STXBP5L: variants seen among roughly 807,000 people sequenced by gnomAD.
The protein encoded by STXBP5L is syntaxin-binding protein 5-like.
STXBP5L carries 65 observed loss-of-function variants against 144.5 expected under a neutral mutation model. The observed-to-expected ratio is 0.45, with a 90% CI of 0.37 to 0.55. The LOEUF (loss-of-function observed/expected upper bound fraction) is 0.55. Ranked by LOEUF, STXBP5L falls within the 20% of genes least tolerant of loss-of-function variation. The pLI is 0.00. For synonymous variants in STXBP5L, 505 were observed against 469.6 expected, an observed-to-expected ratio of 1.08 and a Z score of -0.97; for missense variants, 1,298 against 1,405.5, an observed-to-expected ratio of 0.92 and a Z score of 1.22.
intron 19 of STXBP5L, among the ~76,000 whole-genome samples, chr3:121,300,507 C>T (rs1460945909): frequency 6.6e-6 from 1 of 151,670 alleles, no homozygotes; most frequent in East Asian, 1.9e-4. Flanking sequence ...GAGAAGTATA[C>T]AGAATTATAC....
At chr3:121,262,330 T>C (rs1267014659) in intron 18 of STXBP5L, among the ~76,000 whole-genome samples, 1 of 152,198 alleles carries the variant, frequency 6.6e-6, no homozygotes, top group African/African-American at 2.4e-5. Context: ...GTTCAAAGTC[T>C]CATCAAAATA....
At position 121,407,288 on chromosome 3, in the gene STXBP5L, T is replaced by C. The variant is rs1479746491; in HGVS notation, c.2633T>C (p.Met878Thr). The C allele has an allele frequency of 1.2e-6, 2 of 1,607,702 alleles. No individual in the cohort carries two copies. Among genetic ancestry groups the C allele is most frequent in the African/African-American group, 1.3e-5 (1 of 74,648 alleles). ...LKGAVLTFSC[M>T]DRMGGLMQPP... ...GGAGCTGTGCTAACATTCTCCTGTA[T>C]GGACCGAATGGGTGGATTAATGCAA... The change falls in exon 23 of 27, where the codon ATG becomes ACG. Residue 878 changes from methionine (M) to threonine (T), a missense_variant. Coordinates refer to ENST00000471454, the MANE Select transcript of STXBP5L (RefSeq NM_001308330.2).
chr3:121,415,951 T>G lies in STXBP5L; in HGVS notation c.3209T>G (p.Phe1070Cys). ...KGLFGGSGQT[F>C]DREELFGEAS... ...CTGTTTGGTGGAAGCGGACAAACAT[T>G]TGACAGAGAAGAGCTCTGTGAGTAA... Residue 1070 changes from phenylalanine (F) to cysteine (C), a missense_variant, in exon 25 of 27, where the codon TTT becomes TGT. Physicochemically the swap from Phe to Cys is radical, Grantham distance 205. Transcript: ENST00000471454. 6.2e-7 allele frequency: 1 copy of G among 1,612,958 alleles called. No homozygotes were observed. Among genetic ancestry groups the G allele is most frequent in the Non-Finnish European group, 8.5e-7 (1 of 1,179,288 alleles).
At chr3:121,096,432 G>A (rs1230981615) in intron 5 of STXBP5L, among the ~76,000 whole-genome samples, 1 of 152,216 alleles carries the variant, frequency 6.6e-6, no homozygotes, top group African/African-American at 2.4e-5. Context: ...GTGGAGAAGA[G>A]GTGTTCTGGT....
intron 5 of STXBP5L, among the ~76,000 whole-genome samples, chr3:121,065,869 C>T (rs1207396131): frequency 6.6e-6 from 1 of 152,156 alleles, no homozygotes; most frequent in Non-Finnish European, 1.5e-5. Context: ...GCATTCATAT[C>T]CCTTGCATGT....
At chr3:121,077,696 G>A (rs748513971) in intron 5 of STXBP5L, among the ~76,000 whole-genome samples, 1 of 152,142 alleles carries the variant, frequency 6.6e-6, no homozygotes, top group Non-Finnish European at 1.5e-5. Context: ...TTTTGACCGG[G>A]TGCTGATTGG....
intron 11 of STXBP5L, among the ~76,000 whole-genome samples, chr3:121,229,890 C>T (rs1283533709): frequency 6.6e-6 from 1 of 151,986 alleles, no homozygotes; most frequent in Non-Finnish European, 1.5e-5. Context: ...AACGTGTTTC[C>T]CTATAACATA....
chr3:121,355,380 C>T (rs1457565753), intron 20 of STXBP5L, among the ~76,000 whole-genome samples: 3 of 152,084 alleles, frequency 2.0e-5, no homozygotes, highest in Non-Finnish European at 4.4e-5. Context: ...AGGCTTTGTT[C>T]ATTTCTTTTT....
chr3:120,957,803 G>T (rs532829484), intron 3 of STXBP5L, among the ~76,000 whole-genome samples: 47 of 152,166 alleles, frequency 3.1e-4, no homozygotes, highest in African/African-American at 1.1e-3. Flanking sequence ...ACAAGAGAAA[G>T]CAGGAAAGAT....
intron 5 of STXBP5L, among the ~76,000 whole-genome samples, chr3:121,085,998 A>C (rs185832824): frequency 6.6e-6 from 1 of 152,124 alleles, no homozygotes; most frequent in Non-Finnish European, 1.5e-5. Flanking sequence ...CAGAATAAAG[A>C]TCTCAGAAAT....
chr3:121,287,814 G>C (rs1206110621), intron 19 of STXBP5L, among the ~76,000 whole-genome samples: 2 of 151,194 alleles, frequency 1.3e-5, no homozygotes, highest in African/African-American at 4.9e-5. Context: ...GAGTGACAGA[G>C]CGAGACTCCA....
intron 3 of STXBP5L, among the ~76,000 whole-genome samples, chr3:121,031,444 GC>G: frequency 6.6e-6 from 1 of 151,784 alleles, no homozygotes; most frequent in East Asian, 1.9e-4. Context: ...TAAGAAATTG[GC>G]TCACACAACT....
chr3:121,006,635 C>G (rs982025641), intron 3 of STXBP5L, among the ~76,000 whole-genome samples: 1 of 152,160 alleles, frequency 6.6e-6, no homozygotes, highest in African/African-American at 2.4e-5. Context: ...GATACAGTTT[C>G]TTCCTAGTAT....
At chr3:121,218,204 TA>T (rs1158910978) in intron 10 of STXBP5L, among the ~76,000 whole-genome samples, 2 of 142,764 alleles carry the variant, frequency 1.4e-5, no homozygotes, top group African/African-American at 5.1e-5. Context: ...TATATATTAC[TA>T]TATACTATAC....
chr3:121,091,379 G>A (rs2107734431), intron 5 of STXBP5L, among the ~76,000 whole-genome samples: 1 of 150,594 alleles, frequency 6.6e-6, no homozygotes, highest in Non-Finnish European at 1.5e-5. Flanking sequence ...GGTTGAACTA[G>A]TTTACAGTCC....
chr3:120,929,215 G>T (rs1357649983), intron 2 of STXBP5L, among the ~76,000 whole-genome samples: 1 of 152,078 alleles, frequency 6.6e-6, no homozygotes, highest in African/African-American at 2.4e-5. Context: ...TGATTATTCT[G>T]GGCTGATGAT....
chr3:121,059,871 G>T (rs545807576), intron 5 of STXBP5L, among the ~76,000 whole-genome samples: 20 of 152,278 alleles, frequency 1.3e-4, no homozygotes, highest in African/African-American at 4.8e-4. Context: ...GAGATTTGGG[G>T]CTGAGACTAT....
chr3:121,176,134 T>C (rs2046922979), intron 9 of STXBP5L, among the ~76,000 whole-genome samples: 1 of 152,140 alleles, frequency 6.6e-6, no homozygotes, highest in South Asian at 2.1e-4. Flanking sequence ...TCAAAACTAA[T>C]CTCTCTGTAA....
At chr3:121,199,295 T>A (rs1437613529) in intron 9 of STXBP5L, among the ~76,000 whole-genome samples, 3 of 152,164 alleles carry the variant, frequency 2.0e-5, no homozygotes, top group East Asian at 1.9e-4. Context: ...CTATTATCGA[T>A]GTATAGGAAT....
Sources: gnomAD v4.1 joint callset for allele counts (sites outside exome capture counted in the v4.1 genomes callset) on GRCh38, gnomAD v4.1.1 for gene constraint, MANE v1.5 for transcripts, NCBI Gene and HGNC (gene_info 2026-07-23, HGNC 2026-07-21) for gene names.